Variants in FCHO2 observed in about 807,000 individuals in gnomAD.
FCHO2 encodes FCH and mu domain containing endocytic adaptor 2, also known as F-BAR domain only protein 2.
FCHO2 carries 43 observed loss-of-function variants against 114.1 expected under a neutral mutation model. The ratio of observed to expected loss-of-function variants is 0.38; its 90% CI spans 0.30 to 0.49. The LOEUF is 0.49. Ranked by LOEUF, FCHO2 falls within the 20% of genes least tolerant of loss-of-function variation. The pLI, the probability that FCHO2 is intolerant of heterozygous loss-of-function variation, is 0.97. For missense variants in FCHO2, 807 were observed against 950.4 expected (o/e 0.85, Z 1.98); for synonymous variants, 293 against 315.2 (o/e 0.93, Z 0.75).
intron 5 of FCHO2, among the ~76,000 whole-genome samples, chr5:73,003,973 G>A (rs181078429): frequency 5.2e-4 from 78 of 150,706 alleles, no homozygotes; most frequent in African/African-American, 1.7e-3. Context: ...GCTTGAATCC[G>A]GGAGGCGGAG....
intron 8 of FCHO2, chr5:73,021,326 C>T (rs550326473): frequency 5.3e-4 from 219 of 410,530 alleles, no homozygotes; most frequent in Middle Eastern, 1.4e-3. Flanking sequence ...GAAGTGATGG[C>T]GACAGGAGGG....
intron 2 of FCHO2, among the ~76,000 whole-genome samples, chr5:72,975,096 C>T (rs1057091506): frequency 3.9e-5 from 6 of 152,166 alleles, no homozygotes; most frequent in Non-Finnish European, 7.3e-5. Context: ...CCTAATCTCT[C>T]TGACTAGGTC....
intron 8 of FCHO2, among the ~76,000 whole-genome samples, chr5:73,017,641 T>TA (rs1561451726): frequency 1.3e-5 from 2 of 152,292 alleles, no homozygotes; most frequent in East Asian, 3.9e-4. Context: ...TTTTTCAAAA[T>TA]AGAGTCACCT....
intron 2 of FCHO2, among the ~76,000 whole-genome samples, chr5:72,987,339 G>T (rs1364774657): frequency 6.6e-6 from 1 of 151,636 alleles, no homozygotes; most frequent in Non-Finnish European, 1.5e-5. Context: ...ATGTTTGTTT[G>T]TTTATTTATT....
chr5:73,033,211 A>AT (rs1010982665), intron 8 of FCHO2, among the ~76,000 whole-genome samples: 2 of 151,846 alleles, frequency 1.3e-5, no homozygotes, highest in Non-Finnish European at 2.9e-5. Context: ...AGTGATAAAC[A>AT]TTTTTTTTAG....
intron 11 of FCHO2, among the ~76,000 whole-genome samples, chr5:73,049,766 T>G (rs1757255563): frequency 6.6e-6 from 1 of 152,222 alleles, no homozygotes; most frequent in Non-Finnish European, 1.5e-5. Context: ...TTAGGCAACT[T>G]CTGCTGTTTT....
At chr5:73,014,158 G>T (rs1228049622) in intron 6 of FCHO2, among the ~76,000 whole-genome samples, 2 of 152,116 alleles carry the variant, frequency 1.3e-5, no homozygotes, top group African/African-American at 4.8e-5. Context: ...AGGTTCTCCA[G>T]GTGATCTAAC....
intron 5 of FCHO2, among the ~76,000 whole-genome samples, chr5:72,998,130 A>T (rs1438428244): frequency 6.6e-6 from 1 of 152,126 alleles, no homozygotes; most frequent in African/African-American, 2.4e-5. Flanking sequence ...GATGGAAATT[A>T]CTTGTGATGA....
intron 8 of FCHO2, among the ~76,000 whole-genome samples, chr5:73,028,800 A>G (rs927525084): frequency 7.9e-5 from 12 of 151,946 alleles, no homozygotes; most frequent in African/African-American, 2.9e-4. Flanking sequence ...ACAGGCACGC[A>G]CCACTATGCC....
At chr5:73,084,677 C>A (rs762474346) in intron 24 of FCHO2, among the ~76,000 whole-genome samples, 7 of 152,162 alleles carry the variant, frequency 4.6e-5, no homozygotes, top group Non-Finnish European at 1.0e-4. Flanking sequence ...TAGCTTTTCT[C>A]ATAGATATTT....
intron 13 of FCHO2, 68 bp downstream of exon 13, chr5:73,052,575 C>T: frequency 8.1e-7 from 1 of 1,231,756 alleles, no homozygotes; most frequent in Non-Finnish European, 1.1e-6. Flanking sequence ...TGTGTCTGGT[C>T]AAACATTACT....
In FCHO2 at chr5:73,087,585, G is replaced by T; in HGVS notation, c.2246-4G>T. 2 of 1,613,298 alleles carry T rather than the reference G, an allele frequency of 1.2e-6. No homozygotes were observed. Among genetic ancestry groups the T allele is most frequent in the Non-Finnish European group, 1.7e-6 (2 of 1,179,612 alleles). On this transcript the variant is annotated splice_polypyrimidine_tract_variant and splice_region_variant and intron_variant, in intron 24 of 25. Coordinates refer to ENST00000430046, the MANE Select transcript of FCHO2 (RefSeq NM_138782.3). ...GTGTAAGTGCTTTATTCTTTTCTTT[G>T]TAGGTTCTGGGTCCCTCCGAGCAAA...
chr5:72,999,906 T>C (rs1424900003), intron 5 of FCHO2, among the ~76,000 whole-genome samples: 3 of 152,238 alleles, frequency 2.0e-5, no homozygotes, highest in Non-Finnish European at 4.4e-5. Context: ...CACTCTTGCT[T>C]ATGAGAAGAA....
intron 2 of FCHO2, among the ~76,000 whole-genome samples, chr5:72,982,191 G>C (rs569046535): frequency 6.6e-6 from 1 of 152,084 alleles, no homozygotes; most frequent in Non-Finnish European, 1.5e-5. Context: ...GTGCTTCCTG[G>C]ATAGGGTGAT....
At chr5:72,962,914 T>C (rs1272895429) in intron 1 of FCHO2, among the ~76,000 whole-genome samples, 1 of 151,628 alleles carries the variant, frequency 6.6e-6, no homozygotes, top group East Asian at 1.9e-4. Context: ...GTATTAGAAT[T>C]GGAAGAATTT....
At chr5:72,999,931 T>TG (rs1754339841) in intron 5 of FCHO2, among the ~76,000 whole-genome samples, 1 of 152,258 alleles carries the variant, frequency 6.6e-6, no homozygotes, top group Non-Finnish European at 1.5e-5. Flanking sequence ...AGCTATTACT[T>TG]GTAAAGCACA....
At chr5:73,079,381 ATAGAT>A (rs1743020622) in intron 22 of FCHO2, among the ~76,000 whole-genome samples, 1 of 152,212 alleles carries the variant, frequency 6.6e-6, no homozygotes, top group Non-Finnish European at 1.5e-5. Context: ...AGATGAAGGA[ATAGAT>A]TAGAGTATCC....
At chr5:73,054,487 ATT>A in intron 14 of FCHO2, 36 bp from the exon 15 acceptor site, 5 of 1,511,638 alleles carry the variant, frequency 3.3e-6, no homozygotes, top group Non-Finnish European at 4.5e-6. Context: ...TATCAAATTC[ATT>A]TGTTTTATGG....
chr5:73,009,906 A>T (rs1416918310), intron 6 of FCHO2, among the ~76,000 whole-genome samples: 1 of 152,220 alleles, frequency 6.6e-6, no homozygotes, highest in Non-Finnish European at 1.5e-5. Context: ...TTAAATAAAG[A>T]TGATGGCATA....
Sources: gnomAD v4.1 joint callset for allele counts (sites outside exome capture counted in the v4.1 genomes callset) on GRCh38, gnomAD v4.1.1 for gene constraint, MANE v1.5 for transcripts, NCBI Gene and HGNC (gene_info 2026-07-23, HGNC 2026-07-21) for gene names.